The following LGSN variants were observed in gnomAD, a reference collection of about 807,000 sequenced individuals.
LGSN encodes lengsin, lens protein with glutamine synthetase domain.
Under a neutral mutation model 19.5 loss-of-function variants are expected in LGSN, and 21 were observed. The ratio of observed to expected loss-of-function variants is 1.07; its 90% confidence interval spans 0.76 to 1.55. LGSN has a LOEUF of 1.55. Among genes scored for constraint, LGSN ranks in the 40% most tolerant of loss-of-function variants. LGSN has a pLI of 0.00. For missense variants in LGSN, 673 were observed against 608.5 expected, an observed-to-expected ratio of 1.11 and a Z score of -1.12; for synonymous variants, 257 against 215.6, an observed-to-expected ratio of 1.19 and a Z score of -1.68.
the LGSN span, among the ~76,000 whole-genome samples, chr6:63,437,636 A>G: frequency 6.6e-6 from 1 of 152,174 alleles, no homozygotes; most frequent in Non-Finnish European, 1.5e-5. Flanking sequence ...TTTTCCTCTC[A>G]TAAGAATTAG....
chr6:63,412,115 CCAGCA>C, the LGSN span, among the ~76,000 whole-genome samples: 1 of 151,896 alleles, frequency 6.6e-6, no homozygotes, highest in East Asian at 1.9e-4. Context: ...GCCTGTAATC[CCAGCA>C]CTTTGGGAAG....
the LGSN span, among the ~76,000 whole-genome samples, chr6:63,354,482 C>CA: frequency 6.6e-6 from 1 of 151,906 alleles, no homozygotes; most frequent in African/African-American, 2.4e-5. Flanking sequence ...ATTAAAAAGA[C>CA]AAAAATATAA....
chr6:63,367,185 T>G, the LGSN span, among the ~76,000 whole-genome samples: 1 of 152,190 alleles, frequency 6.6e-6, no homozygotes, highest in Non-Finnish European at 1.5e-5. Context: ...TTTTACAATC[T>G]ACTCATCTGA....
chr6:63,552,355 T>C, the LGSN span, among the ~76,000 whole-genome samples: 1 of 152,230 alleles, frequency 6.6e-6, no homozygotes, highest in African/African-American at 2.4e-5. Flanking sequence ...TCTGTTCATG[T>C]CCTTTACCCA....
chr6:63,414,418 T>C, the LGSN span, among the ~76,000 whole-genome samples: 2 of 152,290 alleles, frequency 1.3e-5, no homozygotes, highest in East Asian at 1.9e-4. Context: ...TATAATATTG[T>C]AGTCTTCAAA....
chr6:63,289,378 T>C (rs548827415), intron 2 of LGSN, among the ~76,000 whole-genome samples: 57 of 152,316 alleles, frequency 3.7e-4, no homozygotes, highest in Non-Finnish European at 6.3e-4. Flanking sequence ...ATTGTCGGAA[T>C]TTATTTTCTT....
At chr6:63,432,379 A>G in the LGSN span, among the ~76,000 whole-genome samples, 1 of 151,994 alleles carries the variant, frequency 6.6e-6, no homozygotes, top group Admixed American at 6.6e-5. Context: ...TAGGGCTGCT[A>G]TGTGTCAGGT....
chr6:63,302,414 A>T (rs1768217220), intron 1 of LGSN, among the ~76,000 whole-genome samples: 1 of 152,196 alleles, frequency 6.6e-6, no homozygotes. Context: ...AAGGAGGTTC[A>T]TGGAAAGGTT....
chr6:63,337,622 C>A, the LGSN span, among the ~76,000 whole-genome samples: 1 of 151,654 alleles, frequency 6.6e-6, no homozygotes, highest in Non-Finnish European at 1.5e-5. Context: ...GGTAACATGG[C>A]CAAACTACAT....
the LGSN span, among the ~76,000 whole-genome samples, chr6:63,412,774 A>T: frequency 7.2e-6 from 1 of 138,592 alleles, no homozygotes; most frequent in Non-Finnish European, 1.6e-5. Context: ...AAAGAAAGGA[A>T]GGAAGGGAAG....
At chr6:63,361,773 T>G in the LGSN span, among the ~76,000 whole-genome samples, 3 of 152,174 alleles carry the variant, frequency 2.0e-5, no homozygotes, top group African/African-American at 7.2e-5. Context: ...GGGCTGGAGC[T>G]GTTCCTATTC....
chr6:63,322,546 C>G (rs1429466761), upstream of LGSN, among the ~76,000 whole-genome samples: 2 of 152,112 alleles, frequency 1.3e-5, no homozygotes, highest in Admixed American at 1.3e-4. Flanking sequence ...TTATATGCAT[C>G]TAATTATGAC....
the LGSN span, among the ~76,000 whole-genome samples, chr6:63,516,211 T>G: frequency 1.1e-4 from 16 of 152,260 alleles, no homozygotes; most frequent in East Asian, 2.9e-3. Flanking sequence ...ACCAGGCAAT[T>G]CTCTAAACCT....
At chr6:63,339,465 T>A in the LGSN span, among the ~76,000 whole-genome samples, 8 of 152,210 alleles carry the variant, frequency 5.3e-5, no homozygotes, top group Non-Finnish European at 1.0e-4. Flanking sequence ...TTATGTAGAA[T>A]CTAATTTGTC....
chr6:63,436,032 C>T, the LGSN span, among the ~76,000 whole-genome samples: 1 of 151,920 alleles, frequency 6.6e-6, no homozygotes, highest in African/African-American at 2.4e-5. Flanking sequence ...AAATCCTTGA[C>T]TGGAACATTT....
chr6:63,285,773 G>C lies in LGSN; in HGVS notation c.164-20C>G. ...TGCAATCTGCAAAATAAAAAAATAG[G>C]TTCTAACTCACGAGATCATGATGGA... On this transcript the variant is annotated intron_variant, in intron 2 of 3. Transcript: ENST00000370657. The C allele has an allele frequency of 6.2e-7, 1 of 1,609,616 alleles. No homozygotes were observed. Among genetic ancestry groups the C allele is most frequent in the Non-Finnish European group, 8.5e-7 (1 of 1,176,512 alleles).
chr6:63,364,960 C>T, the LGSN span, among the ~76,000 whole-genome samples: 1 of 152,114 alleles, frequency 6.6e-6, no homozygotes, highest in East Asian at 1.9e-4. Context: ...ATTTATAGCA[C>T]TAAATGCCCA....
the LGSN span, among the ~76,000 whole-genome samples, chr6:63,445,416 G>A: frequency 6.6e-6 from 1 of 152,118 alleles, no homozygotes; most frequent in Non-Finnish European, 1.5e-5. Context: ...TCAGGAGCTC[G>A]CGACCAGCCT....
At chr6:63,474,335 G>A in the LGSN span, among the ~76,000 whole-genome samples, 31 of 152,298 alleles carry the variant, frequency 2.0e-4, no homozygotes, top group Admixed American at 1.2e-3. Context: ...CGGGACGGGC[G>A]CAGTGGTTCA....
Sources: allele counts gnomAD v4.1 joint callset (sites outside exome capture counted in the v4.1 genomes callset), GRCh38; gene constraint gnomAD v4.1.1; transcripts MANE v1.5; gene names NCBI Gene and HGNC (gene_info 2026-07-23, HGNC 2026-07-21).